EDA: variants seen among roughly 807,000 people sequenced by gnomAD.
EDA encodes the protein ectodysplasin-A.
A neutral mutation model predicts 23.6 loss-of-function variants in EDA; 2 were observed. The observed-to-expected ratio is 0.08, with a 90% CI of 0.03 to 0.27. EDA has a LOEUF of 0.27. EDA is among the 10% of genes least tolerant of loss of function. The pLI is 1.00. For missense variants in EDA, 229 were observed against 324.2 expected (o/e 0.71, Z 2.26); for synonymous variants, 131 against 132.0 (o/e 0.99, Z 0.05).
chrX:70,024,912 G>C (rs2020087758), intron 3 of EDA, among the ~76,000 whole-genome samples: 1 of 112,029 alleles, frequency 8.9e-6, no homozygotes, highest in Non-Finnish European at 1.9e-5. Flanking sequence ...AAGTACAAAC[G>C]TCTCTGGGCT....
chrX:69,796,891 A>G (rs2015557744), intron 1 of EDA, among the ~76,000 whole-genome samples: 2 of 110,839 alleles, frequency 1.8e-5, no homozygotes, highest in South Asian at 3.8e-4. Flanking sequence ...AAAAGAACCA[A>G]ACAAATTCTG....
intron 2 of EDA, among the ~76,000 whole-genome samples, chrX:69,970,295 A>G (rs1327478): frequency 0.098 from 11,011 of 112,117 alleles, 920 homozygotes; most frequent in East Asian, 0.61. Flanking sequence ...TTCTCATTAT[A>G]TAATGATAGT....
chrX:69,831,976 A>G (rs771956554), intron 1 of EDA, among the ~76,000 whole-genome samples: 3 of 110,882 alleles, frequency 2.7e-5, no homozygotes, highest in African/African-American at 9.8e-5. Flanking sequence ...ATTTTCTCCC[A>G]TTCTGTAGGT....
chrX:69,911,659 G>T (rs1200398539), intron 1 of EDA, among the ~76,000 whole-genome samples: 1 of 112,101 alleles, frequency 8.9e-6, no homozygotes, highest in Non-Finnish European at 1.9e-5. Context: ...TTTGGGGGTT[G>T]CCCAGTAAGT....
At chrX:69,818,644 A>G (rs2016137290) in intron 1 of EDA, among the ~76,000 whole-genome samples, 1 of 111,458 alleles carries the variant, frequency 9.0e-6, no homozygotes, top group Non-Finnish European at 1.9e-5. Flanking sequence ...CTGGACACAT[A>G]CACCTTCCCA....
intron 1 of EDA, among the ~76,000 whole-genome samples, chrX:69,927,731 A>G (rs1266913664): frequency 6.3e-5 from 7 of 110,580 alleles, no homozygotes. Flanking sequence ...CCTGGATTAT[A>G]TCCTGAAGTG....
In EDA at chrX:70,028,003, C is replaced by A; in HGVS notation, c.673C>A (p.Pro225Thr). ...GPPGPPGPPG[P>T]QGPPGLQGPS... is the part of the protein sequence containing the mutation. ...ACCTGGTCCTCCAGGTCCTCCTGGTCCTCAAGGACCCCCTGGCCTCCAGGG... is the reference window on the plus strand; with the variant it reads ...ACCTGGTCCTCCAGGTCCTCCTGGTACTCAAGGACCCCCTGGCCTCCAGGG... The change falls in exon 4 of 8, where the codon CCT (proline) becomes ACT (threonine). Residue 225 changes from proline (P) to threonine (T), a missense_variant. By Grantham distance (38) the Pro-to-Thr change is conservative. Coordinates refer to ENST00000374552, the MANE Select transcript of EDA (RefSeq NM_001399.5). 1 of 1,192,997 alleles carries A rather than the reference C, an allele frequency of 8.4e-7. No homozygotes were observed. Among genetic ancestry groups the A allele is most frequent in the Admixed American group, 2.3e-5 (1 of 44,298 alleles).
intron 2 of EDA, among the ~76,000 whole-genome samples, chrX:70,013,669 C>T (rs112317632): frequency 0.022 from 2,395 of 111,283 alleles, 72 homozygotes; most frequent in African/African-American, 0.074. Flanking sequence ...CATAGTGCAG[C>T]TGCCCCACCC....
intron 1 of EDA, among the ~76,000 whole-genome samples, chrX:69,719,496 C>T (rs1433778613): frequency 1.1e-4 from 12 of 110,408 alleles, no homozygotes; most frequent in Admixed American, 9.7e-4. Context: ...TCCCTTACCA[C>T]TCTCTCACCC....
At chrX:69,853,354 C>T (rs1433545548) in intron 1 of EDA, among the ~76,000 whole-genome samples, 1 of 111,089 alleles carries the variant, frequency 9.0e-6, no homozygotes, top group Admixed American at 9.6e-5. Context: ...CAGAATGTAA[C>T]ACAGAGAACA....
At chrX:69,881,768 G>A (rs950494830) in intron 1 of EDA, among the ~76,000 whole-genome samples, 4 of 111,939 alleles carry the variant, frequency 3.6e-5, no homozygotes, top group East Asian at 5.6e-4. Flanking sequence ...ACATCTGCTC[G>A]GCTTCTGGCA....
intron 1 of EDA, among the ~76,000 whole-genome samples, chrX:69,788,498 T>G (rs751661270): frequency 2.7e-5 from 3 of 112,021 alleles, no homozygotes; most frequent in African/African-American, 9.7e-5. Context: ...GTTTGTTAGT[T>G]TTCCTTCTAA....
intron 1 of EDA, among the ~76,000 whole-genome samples, chrX:69,793,570 GT>G (rs67241807): frequency 2.5e-3 from 147 of 58,751 alleles, no homozygotes; most frequent in Middle Eastern, 0.013. Flanking sequence ...GTTTGTTTTT[GT>G]TTTTTTTTTT....
intron 1 of EDA, among the ~76,000 whole-genome samples, chrX:69,944,037 A>G (rs1476175929): frequency 1.8e-5 from 2 of 109,135 alleles, no homozygotes; most frequent in Non-Finnish European, 1.9e-5. Flanking sequence ...CTTGTGGTGA[A>G]TGCTGCCAGG....
intron 1 of EDA, among the ~76,000 whole-genome samples, chrX:69,670,775 T>C (rs1933864935): frequency 9.0e-6 from 1 of 111,381 alleles, no homozygotes; most frequent in African/African-American, 3.3e-5. Flanking sequence ...TTTAATGATA[T>C]CTATCTCTTT....
At chrX:70,019,250 G>A (rs967664352) in intron 2 of EDA, among the ~76,000 whole-genome samples, 24 of 112,208 alleles carry the variant, frequency 2.1e-4, no homozygotes, top group African/African-American at 7.8e-4. Flanking sequence ...TGGTGGGAGT[G>A]TAAATTAGTC....
At chrX:69,988,654 G>A (rs1460583461) in intron 2 of EDA, among the ~76,000 whole-genome samples, 2 of 111,363 alleles carry the variant, frequency 1.8e-5, no homozygotes, top group African/African-American at 3.3e-5. Context: ...TCAGGGATTC[G>A]AGACCAGCCT....
chrX:69,995,207 T>C (rs1341362126), intron 2 of EDA, among the ~76,000 whole-genome samples: 1 of 112,147 alleles, frequency 8.9e-6, no homozygotes, highest in Non-Finnish European at 1.9e-5. Context: ...TGAAACAATG[T>C]TTCCTTGAGA....
intron 1 of EDA, among the ~76,000 whole-genome samples, chrX:69,789,551 C>T (rs142101061): frequency 0.011 from 1,225 of 111,990 alleles, 15 homozygotes; most frequent in African/African-American, 0.039. Flanking sequence ...AAACCTTTGT[C>T]AAAGCAATTT....
Sources: allele counts gnomAD v4.1 joint callset (sites outside exome capture counted in the v4.1 genomes callset), GRCh38; gene constraint gnomAD v4.1.1; transcripts MANE v1.5; gene names NCBI Gene and HGNC (gene_info 2026-07-23, HGNC 2026-07-21).